Variants in CLVS2 observed in about 807,000 individuals in gnomAD.
CLVS2 encodes clavesin 2, also known as clavesin-2.
In CLVS2, 19 loss-of-function variants were observed where a neutral mutation model predicts 29.0. The ratio of observed to expected loss-of-function variants is 0.66; its 90% CI spans 0.46 to 0.96. CLVS2 has a LOEUF of 0.96. Among genes scored for constraint, CLVS2 ranks in the 40% least tolerant of loss-of-function variants. The probability of loss-of-function intolerance (pLI) is 0.00; values close to 1 mark genes in which losing one functional copy is unlikely to be tolerated. For missense variants in CLVS2, 294 were observed against 404.1 expected (o/e 0.73, Z 2.34); for synonymous variants, 161 against 151.3 (o/e 1.06, Z -0.47).
intron 3 of CLVS2, among the ~76,000 whole-genome samples, chr6:123,034,869 C>CT (rs1775129255): frequency 6.6e-6 from 1 of 151,944 alleles, no homozygotes; most frequent in African/African-American, 2.4e-5. Context: ...TTGCAACTTC[C>CT]TGTGAGTCTA....
At position 123,068,390 on chromosome 6, in the gene CLVS2, A is replaced by G. The variant is rs1350749459; in HGVS notation, c.*4629A>G. The G allele has an allele frequency of 1.3e-5, 2 of 151,642 alleles. No homozygotes were observed. The highest frequency in any genetic ancestry group is 1.5e-5 in the Non-Finnish European group (1 of 67,700). 9.4% of individuals were successfully genotyped at this position (151,642 alleles called of 1,614,324 possible). A position where few individuals can be genotyped will look rare whatever the true frequency, so the allele number is the denominator to read the frequency against. On this transcript the variant is annotated 3_prime_UTR_variant, in exon 6 of 6. Transcript: ENST00000275162. ...CCTTGATATAGTGCATTTATTCTGTAAGACTTATTTTACCTGGTGAACGAG... is the reference window on the plus strand; with the variant it reads ...CCTTGATATAGTGCATTTATTCTGTGAGACTTATTTTACCTGGTGAACGAG...
intron 2 of CLVS2, among the ~76,000 whole-genome samples, chr6:123,009,085 C>T (rs2114305530): frequency 1.3e-5 from 2 of 152,072 alleles, no homozygotes; most frequent in Admixed American, 1.3e-4. Context: ...GTATTCCAAC[C>T]AACATTTACT....
rs116984841 is a variant in CLVS2 at position 123,031,056 on chromosome 6, C to T, written c.565-17566C>T. On this transcript the variant is annotated intron_variant, in intron 3 of 5. Transcript: ENST00000275162. ...CAAGTGATTCTCCCACATCAGCCTCCCAAGTAGCTGGGAATATGGGCATGC... is the reference window on the plus strand; with the variant it reads ...CAAGTGATTCTCCCACATCAGCCTCTCAAGTAGCTGGGAATATGGGCATGC... Among the ~76,000 whole-genome samples, 701 of 151,974 alleles carry T rather than the reference C, an allele frequency of 4.6e-3. 2 individuals carry two copies. The highest frequency in any genetic ancestry group is 0.021 in the Middle Eastern group (6 of 292).
At chr6:123,043,016 A>G (rs1775256647) in intron 3 of CLVS2, among the ~76,000 whole-genome samples, 1 of 152,190 alleles carries the variant, frequency 6.6e-6, no homozygotes, top group Non-Finnish European at 1.5e-5. Context: ...GGAAGCTAAT[A>G]GTGATGTTCC....
At chr6:123,054,274 G>A (rs1772658926) in intron 4 of CLVS2, among the ~76,000 whole-genome samples, 1 of 152,170 alleles carries the variant, frequency 6.6e-6, no homozygotes, top group Admixed American at 6.5e-5. Context: ...GAAGAACACA[G>A]GGGTGCACAT....
chr6:123,046,794 A>G (rs1367050373), intron 3 of CLVS2, among the ~76,000 whole-genome samples: 2 of 152,178 alleles, frequency 1.3e-5, no homozygotes, highest in African/African-American at 2.4e-5. Flanking sequence ...TCTTTTTGCC[A>G]TAAAGTACCA....
intron 4 of CLVS2, among the ~76,000 whole-genome samples, chr6:123,054,469 T>G (rs2114361562): frequency 6.6e-6 from 1 of 152,328 alleles, no homozygotes; most frequent in Middle Eastern, 3.4e-3. Context: ...CTGTTTCTGC[T>G]TTTACTCTTC....
intron 3 of CLVS2, among the ~76,000 whole-genome samples, chr6:123,044,112 T>A (rs1775273603): frequency 6.6e-6 from 1 of 152,200 alleles, no homozygotes; most frequent in African/African-American, 2.4e-5. Flanking sequence ...AGCAGGTGAA[T>A]TGGCAAAACC....
intron 3 of CLVS2, among the ~76,000 whole-genome samples, chr6:123,044,983 A>C (rs898349854): frequency 2.0e-5 from 3 of 152,166 alleles, no homozygotes; most frequent in African/African-American, 7.2e-5. Flanking sequence ...CTGTATCTAG[A>C]GGGTGTGCTG....
chr6:123,055,777 C>T (rs1407350796), intron 4 of CLVS2, 29 bp from the exon 5 acceptor site: 5 of 1,506,148 alleles, frequency 3.3e-6, no homozygotes, highest in African/African-American at 1.4e-5. Context: ...CTGTGTCTTT[C>T]CCTTCCTCCC....
At chr6:123,027,940 A>G (rs903576890) in intron 3 of CLVS2, among the ~76,000 whole-genome samples, 1 of 152,214 alleles carries the variant, frequency 6.6e-6, no homozygotes, top group Non-Finnish European at 1.5e-5. Flanking sequence ...ATTTACAGAG[A>G]AGTACATTAA....
chr6:123,055,730 A>AT (rs1772684380), intron 4 of CLVS2, 76 bp from the exon 5 acceptor site: 1 of 1,040,776 alleles, frequency 9.6e-7, no homozygotes, highest in African/African-American at 1.6e-5. Flanking sequence ...CTATCCTCAC[A>AT]TCCCCCCTGT....
intron 3 of CLVS2, among the ~76,000 whole-genome samples, chr6:123,023,120 A>C (rs1358040909): frequency 6.6e-6 from 1 of 152,124 alleles, no homozygotes; most frequent in Non-Finnish European, 1.5e-5. Context: ...AGTAACTTAA[A>C]CATCGTTTAG....
At chr6:123,055,306 T>G (rs1772677085) in intron 4 of CLVS2, among the ~76,000 whole-genome samples, 2 of 81,442 alleles carry the variant, frequency 2.5e-5, no homozygotes, top group Admixed American at 1.4e-4. Context: ...AATTTAGTGG[T>G]TACAATATTC....
In CLVS2 at chr6:123,060,470, T is replaced by C. The variant is rs1179079967; in HGVS notation, c.897-3204T>C. ...ATTGAATAAGGTTAAGCATTTATTA[T>C]TGCTTTGTGCCAAACCCTGTTCCAA... On this transcript the variant is annotated intron_variant, in intron 5 of 5. Transcript: ENST00000275162. Among the ~76,000 whole-genome samples, 4 of 152,356 alleles carry C rather than the reference T, an allele frequency of 2.6e-5. 1 individual carries two copies. Among genetic ancestry groups the C allele is most frequent in the Middle Eastern group, 6.8e-3 (2 of 294 alleles).
At chr6:123,007,578 T>C (rs1562162994) in intron 2 of CLVS2, among the ~76,000 whole-genome samples, 1 of 152,162 alleles carries the variant, frequency 6.6e-6, no homozygotes, top group Non-Finnish European at 1.5e-5. Context: ...TAGTACATAG[T>C]TGCTATGGGT....
At chr6:123,025,076 A>C (rs1774981968) in intron 3 of CLVS2, among the ~76,000 whole-genome samples, 1 of 152,146 alleles carries the variant, frequency 6.6e-6, no homozygotes, top group Admixed American at 6.6e-5. Context: ...TGCAATACCA[A>C]GGGTATAAAA....
Position 123,055,964 on chromosome 6 carries a change from A to G in CLVS2, c.834A>G (p.Val278=), listed in dbSNP as rs538249510. The part of the protein sequence containing the change: ...HEYDDDSEYN[V]DSYSMPVKEV... ...ATGACGATGACAGCGAGTACAATGT[A>G]GACTCCTACAGCATGCCTGTGAAGG... The change falls in exon 5 of 6, where the codon GTA becomes GTG. Residue 278 remains valine, a synonymous_variant. Coordinates refer to ENST00000275162, the MANE Select transcript of CLVS2 (RefSeq NM_001010852.4). The G allele has an allele frequency of 3.7e-6, 6 of 1,613,948 alleles. No individual in the cohort carries two copies. Among genetic ancestry groups the G allele is most frequent in the Non-Finnish European group, 5.1e-6 (6 of 1,179,978 alleles).
intron 3 of CLVS2, among the ~76,000 whole-genome samples, chr6:123,032,457 T>C (rs1198513330): frequency 5.3e-5 from 8 of 152,106 alleles, no homozygotes; most frequent in Admixed American, 5.2e-4. Flanking sequence ...AAAATCTTAT[T>C]TCAATTAGAA....
Sources: gnomAD v4.1 joint callset for allele counts (sites outside exome capture counted in the v4.1 genomes callset) on GRCh38, gnomAD v4.1.1 for gene constraint, MANE v1.5 for transcripts, NCBI Gene and HGNC (gene_info 2026-07-23, HGNC 2026-07-21) for gene names.